The following MND1 variants were observed in gnomAD, a reference collection of about 807,000 sequenced individuals.
The protein encoded by MND1 is meiotic nuclear division protein 1 homolog.
MND1 carries 28 observed loss-of-function variants against 35.1 expected under a neutral mutation model. That is an observed-to-expected ratio of 0.80 (90% CI 0.59 to 1.09). The LOEUF is 1.09. Ranked by LOEUF, MND1 falls within the 50% of genes least tolerant of loss-of-function variation. The pLI is 0.00. For missense variants in MND1, 213 were observed against 239.6 expected (o/e 0.89, Z 0.73); for synonymous variants, 69 against 70.5 (o/e 0.98, Z 0.11).
At chr4:153,384,258 C>CT (rs35214226) in intron 4 of MND1, among the ~76,000 whole-genome samples, 5,155 of 55,366 alleles carry the variant, frequency 0.093, 1,189 homozygotes, top group East Asian at 0.15. Flanking sequence ...CTACTTTCTG[C>CT]TTTTTTTTTT....
At chr4:153,401,015 A>T (rs544555004) in intron 6 of MND1, among the ~76,000 whole-genome samples, 16 of 152,374 alleles carry the variant, frequency 1.1e-4, no homozygotes, top group African/African-American at 3.6e-4. Flanking sequence ...AATTACCAGC[A>T]GATTAAATTT....
intron 4 of MND1, among the ~76,000 whole-genome samples, chr4:153,360,746 T>C (rs1773465659): frequency 1.4e-5 from 2 of 147,592 alleles, no homozygotes; most frequent in Non-Finnish European, 3.0e-5. Context: ...TGTATATGTA[T>C]ATACACATAT....
intron 4 of MND1, among the ~76,000 whole-genome samples, chr4:153,392,068 AAC>A (rs1729060939): frequency 6.6e-6 from 1 of 151,904 alleles, no homozygotes; most frequent in Non-Finnish European, 1.5e-5. Flanking sequence ...TCATATTGTG[AAC>A]AGTTAGGTTT....
chr4:153,384,896 C>T (rs1318541422), intron 4 of MND1, among the ~76,000 whole-genome samples: 1 of 152,086 alleles, frequency 6.6e-6, no homozygotes, highest in African/African-American at 2.4e-5. Flanking sequence ...GAAATTTAAC[C>T]CTCTGGTTAA....
At chr4:153,364,498 CAG>C (rs1773576702) in intron 4 of MND1, among the ~76,000 whole-genome samples, 1 of 147,904 alleles carries the variant, frequency 6.8e-6, no homozygotes, top group Non-Finnish European at 1.5e-5. Context: ...GGTTAGGCCA[CAG>C]AGTCAGACCC....
rs1052617787 is a variant in MND1, at chr4:153,403,509, C to T, written c.467-5462C>T. Reference sequence around the variant, plus strand: ...AGACTTAAGTGGCCACACTTAAGAACACGGACTTTACAGATTGAGTTCAGG... The same window carrying T: ...AGACTTAAGTGGCCACACTTAAGAATACGGACTTTACAGATTGAGTTCAGG... On this transcript the variant is annotated intron_variant, in intron 6 of 7. Transcript: ENST00000240488. Among the ~76,000 whole-genome samples, 42 of 152,280 alleles carry T rather than the reference C, an allele frequency of 2.8e-4. 1 individual carries two copies. Among genetic ancestry groups the T allele is most frequent in the Non-Finnish European group, 5.9e-4 (40 of 68,032 alleles).
At chr4:153,354,991 T>C (rs1231992721) in intron 2 of MND1, among the ~76,000 whole-genome samples, 1 of 151,930 alleles carries the variant, frequency 6.6e-6, no homozygotes, top group African/African-American at 2.4e-5. Context: ...GGTGAGACCC[T>C]CTCTCTAAAA....
At chr4:153,378,638 T>A (rs1277298098) in intron 4 of MND1, among the ~76,000 whole-genome samples, 1 of 152,214 alleles carries the variant, frequency 6.6e-6, no homozygotes, top group Non-Finnish European at 1.5e-5. Context: ...CAAATAAGAC[T>A]ATTTACTGTC....
chr4:153,350,999 A>C (rs914605784), intron 2 of MND1, among the ~76,000 whole-genome samples: 8 of 151,824 alleles, frequency 5.3e-5, no homozygotes, highest in Admixed American at 3.3e-4. Context: ...TTGCCCACTA[A>C]GTATAATCTT....
At chr4:153,348,803 C>G (rs941090104) in intron 1 of MND1, among the ~76,000 whole-genome samples, 1 of 152,056 alleles carries the variant, frequency 6.6e-6, no homozygotes. Context: ...GAGCCACCGC[C>G]CAGCCAAGTT....
At chr4:153,404,091 T>C (rs541632304) in intron 6 of MND1, among the ~76,000 whole-genome samples, 17 of 152,024 alleles carry the variant, frequency 1.1e-4, no homozygotes, top group Non-Finnish European at 2.1e-4. Context: ...AGAAAGCCCA[T>C]GTGTTGGACT....
At chr4:153,378,919 A>G (rs2149644442) in intron 4 of MND1, among the ~76,000 whole-genome samples, 1 of 152,344 alleles carries the variant, frequency 6.6e-6, no homozygotes, top group African/African-American at 2.4e-5. Flanking sequence ...TAGATTAAAC[A>G]TCTGTTCTCT....
intron 5 of MND1, among the ~76,000 whole-genome samples, chr4:153,396,791 A>T (rs1366528989): frequency 6.6e-6 from 1 of 152,130 alleles, no homozygotes; most frequent in Non-Finnish European, 1.5e-5. Context: ...AAATTGAAAA[A>T]TTGTCTAGAA....
chr4:153,395,465 A>T (rs1402523027), intron 5 of MND1, among the ~76,000 whole-genome samples: 1 of 152,160 alleles, frequency 6.6e-6, no homozygotes, highest in Non-Finnish European at 1.5e-5. Flanking sequence ...TGGTTCAGAA[A>T]CGTTCCTAAG....
intron 4 of MND1, among the ~76,000 whole-genome samples, chr4:153,365,867 G>A (rs1257153893): frequency 3.9e-5 from 6 of 152,222 alleles, no homozygotes; most frequent in Non-Finnish European, 4.4e-5. Context: ...TTTCCTTATG[G>A]AATGGATGTA....
chr4:153,346,400 C>T (rs946922238), intron 1 of MND1, among the ~76,000 whole-genome samples: 2 of 152,100 alleles, frequency 1.3e-5, no homozygotes, highest in Non-Finnish European at 2.9e-5. Flanking sequence ...CTTCATAGTC[C>T]TTGAGTCAGG....
At chr4:153,344,824 C>T in intron 1 of MND1, 84 bp downstream of exon 1, 1 of 1,550,242 alleles carries the variant, frequency 6.5e-7, no homozygotes, top group Non-Finnish European at 8.7e-7. Flanking sequence ...TGGATCCCGG[C>T]CTGGCGTTGA....
intron 6 of MND1, 25 bp downstream of exon 6, chr4:153,397,358 A>G: frequency 2.0e-6 from 3 of 1,526,298 alleles, no homozygotes; most frequent in Non-Finnish European, 2.7e-6. Flanking sequence ...TACCTTAGGG[A>G]TCTTTAACTT....
intron 6 of MND1, among the ~76,000 whole-genome samples, chr4:153,408,576 T>C (rs900338066): frequency 3.3e-5 from 5 of 152,198 alleles, no homozygotes; most frequent in African/African-American, 4.8e-5. Context: ...GCCTATATAG[T>C]AAAATTCTTA....
Sources: allele counts gnomAD v4.1 joint callset (sites outside exome capture counted in the v4.1 genomes callset), GRCh38; gene constraint gnomAD v4.1.1; transcripts MANE v1.5; gene names NCBI Gene and HGNC (gene_info 2026-07-23, HGNC 2026-07-21).